The following ZNF385D variants were observed in gnomAD, a reference collection of about 807,000 sequenced individuals.
ZNF385D encodes zinc finger protein 385D.
ZNF385D carries 15 observed loss-of-function variants against 35.8 expected under a neutral mutation model. That is an observed-to-expected ratio of 0.42 (90% CI 0.28 to 0.64). The LOEUF is 0.64. Among genes scored for constraint, ZNF385D ranks in the 30% least tolerant of loss-of-function variants. ZNF385D has a pLI of 0.23. For synonymous variants in ZNF385D, 212 were observed against 186.8 expected, an observed-to-expected ratio of 1.13 and a Z score of -1.10; for missense variants, 474 against 494.6, an observed-to-expected ratio of 0.96 and a Z score of 0.39.
intron 2 of ZNF385D, among the ~76,000 whole-genome samples, chr3:21,628,349 G>A (rs891363002): frequency 1.3e-5 from 2 of 152,090 alleles, no homozygotes; most frequent in African/African-American, 2.4e-5. Context: ...GTTCTAGGGA[G>A]AAAACATTAA....
intron 3 of ZNF385D, among the ~76,000 whole-genome samples, chr3:22,053,025 A>G (rs1699351056): frequency 1.3e-5 from 1 of 77,804 alleles, no homozygotes; most frequent in African/African-American, 4.9e-5. Flanking sequence ...GGTGGGCTCC[A>G]CCCAGTTCGA....
At chr3:22,098,615 C>T (rs1461307326) in intron 3 of ZNF385D, among the ~76,000 whole-genome samples, 6 of 151,940 alleles carry the variant, frequency 3.9e-5, no homozygotes, top group Non-Finnish European at 7.4e-5. Flanking sequence ...ATTTGAAGTT[C>T]CCATCTGGGA....
chr3:21,418,415 ACTGTAAGTTCTGTGGTTAGGCTT>A lies in ZNF385D; in HGVS notation c.*2776_*2798del, dbSNP rs1448582447. On this transcript the variant is annotated 3_prime_UTR_variant, in exon 8 of 8. Coordinates refer to ENST00000281523, the MANE Select transcript of ZNF385D (RefSeq NM_024697.3). Reference sequence around the variant, plus strand: ...GGGGGAAACAACTCACAGAGAATCCACTGTAAGTTCTGTGGTTAGGCTTCATCCTTTATTAGGTAGTGAATAAA... The same window carrying A: ...GGGGGAAACAACTCACAGAGAATCCACATCCTTTATTAGGTAGTGAATAAA... 2 of 152,184 alleles carry A rather than the reference ACTGTAAGTTCTGTGGTTAGGCTT, an allele frequency of 1.3e-5. No individual in the cohort carries two copies. Among genetic ancestry groups the A allele is most frequent in the African/African-American group, 4.8e-5 (2 of 41,460 alleles). 9.4% of individuals were successfully genotyped at this position (152,184 alleles called of 1,614,324 possible).
chr3:21,493,598 G>A (rs1036290273), intron 4 of ZNF385D, among the ~76,000 whole-genome samples: 5 of 151,816 alleles, frequency 3.3e-5, no homozygotes, highest in Non-Finnish European at 5.9e-5. Context: ...ATGCATTTAT[G>A]GGCCATGAAC....
intron 3 of ZNF385D, among the ~76,000 whole-genome samples, chr3:21,830,883 C>A (rs1212628451): frequency 6.6e-6 from 1 of 152,108 alleles, no homozygotes. Flanking sequence ...TGCCATTGAT[C>A]CAATTTATTC....
chr3:22,284,765 A>G (rs1701940775), intron 2 of ZNF385D, among the ~76,000 whole-genome samples: 1 of 152,160 alleles, frequency 6.6e-6, no homozygotes, highest in Non-Finnish European at 1.5e-5. Flanking sequence ...AATAAATAAG[A>G]TAAAATTTAC....
At chr3:21,792,511 A>G (rs547356990) in intron 3 of ZNF385D, among the ~76,000 whole-genome samples, 53 of 152,298 alleles carry the variant, frequency 3.5e-4, no homozygotes, top group African/African-American at 1.2e-3. Flanking sequence ...ACCATCTGCC[A>G]TGGAATACCT....
In ZNF385D at chr3:22,088,790, A is replaced by T. The variant is rs148905823; in HGVS notation, c.325+80027T>A. The stretch of plus-strand genomic sequence containing the variant: ...AAGAAAACCAGACAACACTGCAGTA[A>T]GATTCAATAAGAATCCAGAAAACAG... On this transcript the variant is annotated intron_variant, in intron 3 of 5. Coordinates refer to the ZNF385D transcript ENST00000494108. Among the ~76,000 whole-genome samples the T allele has an allele frequency of 7.2e-5, 11 of 152,288 alleles. No individual in the cohort carries two copies. The East Asian group carries it at 1.5e-3, about 21-fold the overall frequency.
chr3:22,224,217 G>T (rs530889783), intron 2 of ZNF385D, among the ~76,000 whole-genome samples: 42 of 152,250 alleles, frequency 2.8e-4, no homozygotes, highest in African/African-American at 9.4e-4. Flanking sequence ...TTCAGATGAA[G>T]AAAGTGTTAT....
At chr3:22,022,540 A>G (rs1254225817) in intron 3 of ZNF385D, among the ~76,000 whole-genome samples, 5 of 152,142 alleles carry the variant, frequency 3.3e-5, no homozygotes, top group African/African-American at 9.7e-5. Context: ...ACCCCAAAGG[A>G]AATCAAGAAA....
Position 21,810,994 on chromosome 3 carries a change from G to GTA in ZNF385D, c.326-145967_326-145966insTA, listed in dbSNP as rs1426874955. ...TACGTGTGTGTGTGTGTGTGTGTGT[G>GTA]TGTGTATATATATATACATTTTAAG... is the stretch of plus-strand genomic sequence containing the variant. On this transcript the variant is annotated intron_variant, in intron 3 of 5. Transcript: ENST00000494108. Among the ~76,000 whole-genome samples the GTA allele has an allele frequency of 1.5e-3, 159 of 108,568 alleles. 2 individuals carry two copies. Among genetic ancestry groups the GTA allele is most frequent in the African/African-American group, 3.4e-3 (99 of 29,512 alleles). The allele number at this position is 108,568 out of a possible 152,430, so 71.2% of individuals were successfully genotyped here. A position where few individuals can be genotyped will look rare whatever the true frequency, so the allele number is the denominator to read the frequency against.
chr3:21,456,865 G>A (rs1702858444), intron 4 of ZNF385D, among the ~76,000 whole-genome samples: 1 of 152,086 alleles, frequency 6.6e-6, no homozygotes, highest in African/African-American at 2.4e-5. Context: ...TCTCAGTGAG[G>A]TTGTACACCA....
chr3:21,580,145 C>T (rs1226582103), intron 2 of ZNF385D, among the ~76,000 whole-genome samples: 1 of 152,090 alleles, frequency 6.6e-6, no homozygotes, highest in Non-Finnish European at 1.5e-5. Flanking sequence ...TTAGTTTTTC[C>T]TGTCTAAATG....
chr3:22,027,641 G>C (rs1282282882), intron 3 of ZNF385D, among the ~76,000 whole-genome samples: 1 of 152,136 alleles, frequency 6.6e-6, no homozygotes, highest in Non-Finnish European at 1.5e-5. Context: ...CATGAACTGG[G>C]TGCTTTCTGA....
At chr3:21,785,400 G>C (rs574266784) in intron 3 of ZNF385D, among the ~76,000 whole-genome samples, 2 of 152,144 alleles carry the variant, frequency 1.3e-5, no homozygotes, top group African/African-American at 4.8e-5. Context: ...ATATGTGTGT[G>C]TGAGAACACT....
chr3:22,209,216 C>G (rs1209929306), intron 2 of ZNF385D, among the ~76,000 whole-genome samples: 1 of 151,826 alleles, frequency 6.6e-6, no homozygotes, highest in African/African-American at 2.4e-5. Flanking sequence ...TGACACATTC[C>G]CTTGAATAGC....
chr3:22,145,185 T>G (rs1704776037), intron 3 of ZNF385D, among the ~76,000 whole-genome samples: 1 of 152,252 alleles, frequency 6.6e-6, no homozygotes, highest in Non-Finnish European at 1.5e-5. Context: ...ACATACTTTT[T>G]AATTTTACCT....
intron 2 of ZNF385D, among the ~76,000 whole-genome samples, chr3:22,325,465 G>A (rs1259094705): frequency 6.6e-6 from 1 of 152,104 alleles, no homozygotes; most frequent in Non-Finnish European, 1.5e-5. Flanking sequence ...TATTTAATCT[G>A]TTAAAATTGG....
chr3:21,771,357 A>G (rs1302925317), intron 3 of ZNF385D, among the ~76,000 whole-genome samples: 1 of 151,970 alleles, frequency 6.6e-6, no homozygotes, highest in East Asian at 1.9e-4. Context: ...TATAATACAG[A>G]AAGCCCTGGG....
Sources: gnomAD v4.1 joint callset for allele counts (sites outside exome capture counted in the v4.1 genomes callset) on GRCh38, gnomAD v4.1.1 for gene constraint, MANE v1.5 for transcripts, NCBI Gene and HGNC (gene_info 2026-07-23, HGNC 2026-07-21) for gene names.